TSPAN14: variants seen among roughly 807,000 people sequenced by gnomAD.
The protein encoded by TSPAN14 is tetraspanin 14.
TSPAN14 carries 16 observed loss-of-function variants against 36.6 expected under a neutral mutation model. The ratio of observed to expected loss-of-function variants is 0.44; its 90% CI spans 0.30 to 0.66. The LOEUF is 0.66. TSPAN14 is among the 30% of genes least tolerant of loss of function. TSPAN14 has a pLI of 0.12. For missense variants in TSPAN14, 231 were observed against 355.1 expected (o/e 0.65, Z 2.81); for synonymous variants, 139 against 143.8 (o/e 0.97, Z 0.24).
At chr10:80,456,307 G>A (rs1845733071) in intron 1 of TSPAN14, among the ~76,000 whole-genome samples, 1 of 152,170 alleles carries the variant, frequency 6.6e-6, no homozygotes, top group African/African-American at 2.4e-5. Context: ...GGCTGCCCCA[G>A]GAAGAAAGGG....
chr10:80,476,797 GA>G (rs1465928716), intron 1 of TSPAN14, among the ~76,000 whole-genome samples: 1 of 151,946 alleles, frequency 6.6e-6, no homozygotes, highest in African/African-American at 2.4e-5. Flanking sequence ...CATGGATACA[GA>G]ACTGTGGTTG....
intron 6 of TSPAN14, 141 bp downstream of exon 6, chr10:80,512,410 G>T: frequency 1.6e-6 from 2 of 1,254,122 alleles, no homozygotes; most frequent in Non-Finnish European, 2.2e-6. Context: ...CCTCCTCAAG[G>T]CTGCCTCAGC....
At chr10:80,474,999 A>G (rs144001096) in intron 1 of TSPAN14, among the ~76,000 whole-genome samples, 1 of 152,202 alleles carries the variant, frequency 6.6e-6, no homozygotes, top group Non-Finnish European at 1.5e-5. Flanking sequence ...GGCATCGTCC[A>G]AACAGGGCCA....
At chr10:80,486,449 AG>A (rs1186535493) in intron 1 of TSPAN14, among the ~76,000 whole-genome samples, 9 of 152,266 alleles carry the variant, frequency 5.9e-5, no homozygotes, top group Admixed American at 5.9e-4. Context: ...GAAAGCACAC[AG>A]ACACGTTTGC....
At position 80,516,762 on chromosome 10, in the gene TSPAN14, C is replaced by T. The variant is rs184227433; in HGVS notation, c.741+439C>T. 4.6e-5 allele frequency among the ~76,000 whole-genome samples: 7 copies of T among 152,324 alleles called. No individual in the cohort carries two copies. The East Asian group carries it at 1.4e-3, about 29-fold the overall frequency. On this transcript the variant is annotated intron_variant, in intron 8 of 8. Coordinates refer to ENST00000429989, the Ensembl canonical transcript of TSPAN14. ...CCTGAGGCTCACGTGTGTGCACTTG[C>T]CCCAGGACCTCTCCTCCTGTCTCTG... is the stretch of plus-strand genomic sequence containing the variant.
intron 1 of TSPAN14, among the ~76,000 whole-genome samples, chr10:80,480,697 G>T (rs189892565): frequency 6.6e-6 from 1 of 151,272 alleles, no homozygotes; most frequent in Non-Finnish European, 1.5e-5. Flanking sequence ...ACCAAACACC[G>T]TATATTCTCA....
chr10:80,473,920 G>C (rs1846706890), intron 1 of TSPAN14, among the ~76,000 whole-genome samples: 1 of 152,044 alleles, frequency 6.6e-6, no homozygotes, highest in South Asian at 2.1e-4. Flanking sequence ...GTGGGCAGCT[G>C]AGCAGCCTGC....
intron 1 of TSPAN14, among the ~76,000 whole-genome samples, chr10:80,476,265 TGA>T (rs201497948): frequency 0.022 from 3,356 of 152,146 alleles, 50 homozygotes; most frequent in Middle Eastern, 0.041. Context: ...CCCAGCTACT[TGA>T]GAGGCTGAGG....
intron 1 of TSPAN14, among the ~76,000 whole-genome samples, chr10:80,474,689 A>G (rs1010169935): frequency 1.3e-5 from 2 of 151,790 alleles, no homozygotes; most frequent in Non-Finnish European, 2.9e-5. Flanking sequence ...AGGGGCAAAC[A>G]CTCCAGGGAC....
chr10:80,510,722 A>C (rs1222233714), intron 5 of TSPAN14, among the ~76,000 whole-genome samples: 1 of 151,974 alleles, frequency 6.6e-6, no homozygotes, highest in Non-Finnish European at 1.5e-5. Flanking sequence ...AAAATACAAA[A>C]AATTAGTGGG....
chr10:80,461,997 T>A lies in TSPAN14; in HGVS notation c.-18+7626T>A, dbSNP rs1349641458. 4.6e-5 allele frequency among the ~76,000 whole-genome samples: 7 copies of A among 151,870 alleles called. No homozygotes were observed. The East Asian group carries it at 1.4e-3, about 30-fold the overall frequency. ...GGCCCTATCACAGCTCACTGAGGCCTCCACCTTCCTGGCTCAAGTGATCCT... is the reference window on the plus strand; with the variant it reads ...GGCCCTATCACAGCTCACTGAGGCCACCACCTTCCTGGCTCAAGTGATCCT... On this transcript the variant is annotated intron_variant, in intron 1 of 8. Transcript: ENST00000429989.
intron 3 of TSPAN14, among the ~76,000 whole-genome samples, chr10:80,505,437 A>G (rs1840235081): frequency 6.6e-6 from 1 of 150,980 alleles, no homozygotes; most frequent in Non-Finnish European, 1.5e-5. Context: ...GGGAGGGAAG[A>G]GGGGAGGGGA....
intron 7 of TSPAN14, chr10:80,515,491 AC>A (rs1840887009): frequency 6.6e-6 from 1 of 152,306 alleles, no homozygotes; most frequent in African/African-American, 2.4e-5. Flanking sequence ...GAGCCTGTCT[AC>A]AAATACAGTC....
At chr10:80,493,809 A>C (rs1332361893) in intron 2 of TSPAN14, among the ~76,000 whole-genome samples, 1 of 152,208 alleles carries the variant, frequency 6.6e-6, no homozygotes, top group Non-Finnish European at 1.5e-5. Context: ...GTGCAGAGGA[A>C]GGGAAGCTGG....
chr10:80,510,573 C>A (rs1840560075), intron 5 of TSPAN14, among the ~76,000 whole-genome samples: 1 of 152,146 alleles, frequency 6.6e-6, no homozygotes, highest in African/African-American at 2.4e-5. Flanking sequence ...ACTTCTTTTT[C>A]TTTTAAAAAT....
chr10:80,456,784 T>C (rs1366570531), intron 1 of TSPAN14, among the ~76,000 whole-genome samples: 1 of 152,240 alleles, frequency 6.6e-6, no homozygotes, highest in Non-Finnish European at 1.5e-5. Flanking sequence ...CTGTGATGGC[T>C]GGGCGTGATG....
chr10:80,501,031 G>C (rs1334339566), intron 2 of TSPAN14, among the ~76,000 whole-genome samples: 1 of 151,936 alleles, frequency 6.6e-6, no homozygotes, highest in Admixed American at 6.6e-5. Flanking sequence ...TAGTCACCTA[G>C]GAGAACAAAA....
At chr10:80,480,787 G>C (rs573182999) in intron 1 of TSPAN14, among the ~76,000 whole-genome samples, 106 of 152,214 alleles carry the variant, frequency 7.0e-4, no homozygotes, top group Non-Finnish European at 1.3e-3. Flanking sequence ...TTGTGCGGTG[G>C]GGGGAGGAGG....
At chr10:80,515,058 A>G (rs898146211) in intron 7 of TSPAN14, among the ~76,000 whole-genome samples, 1 of 152,174 alleles carries the variant, frequency 6.6e-6, no homozygotes, top group Non-Finnish European at 1.5e-5. Context: ...TTTATAAGCC[A>G]CCTAATCTAT....
Sources: gnomAD v4.1 joint callset for allele counts (sites outside exome capture counted in the v4.1 genomes callset) on GRCh38, gnomAD v4.1.1 for gene constraint, MANE v1.5 for transcripts, NCBI Gene and HGNC (gene_info 2026-07-23, HGNC 2026-07-21) for gene names.